The following CEP192 variants were observed in gnomAD, a reference collection of about 807,000 sequenced individuals.
CEP192 encodes centrosomal protein of 192 kDa.
Under a neutral mutation model 271.8 loss-of-function variants are expected in CEP192, and 151 were observed. The observed-to-expected ratio is 0.56, with a 90% CI of 0.49 to 0.64. The LOEUF is 0.64. Ranked by LOEUF, CEP192 falls within the 30% of genes least tolerant of loss-of-function variation. The pLI is 0.00. For synonymous variants in CEP192, 995 were observed against 1,076.5 expected, an observed-to-expected ratio of 0.92 and a Z score of 1.48; for missense variants, 2,910 against 3,020.5, an observed-to-expected ratio of 0.96 and a Z score of 0.86.
chr18:12,994,361 C>A (rs982305636), intron 1 of CEP192, among the ~76,000 whole-genome samples: 2 of 151,460 alleles, frequency 1.3e-5, no homozygotes, highest in South Asian at 2.1e-4. Context: ...ATATTCTAGA[C>A]CTGTGGTAGG....
At chr18:12,997,721 T>G (rs2033342658) in intron 1 of CEP192, among the ~76,000 whole-genome samples, 3 of 152,158 alleles carry the variant, frequency 2.0e-5, no homozygotes, top group African/African-American at 7.2e-5. Context: ...CCAAAACAAG[T>G]AAGTTCTTCT....
chr18:13,078,075 T>C (rs551166993), intron 30 of CEP192, among the ~76,000 whole-genome samples: 21 of 152,314 alleles, frequency 1.4e-4, no homozygotes, highest in Admixed American at 1.0e-3. Flanking sequence ...CCTAATGCTA[T>C]TCCTCCCCTA....
At chr18:13,005,989 G>T (rs888880165) in intron 3 of CEP192, among the ~76,000 whole-genome samples, 2 of 152,076 alleles carry the variant, frequency 1.3e-5, no homozygotes, top group Non-Finnish European at 1.5e-5. Flanking sequence ...TTAGAATCCC[G>T]TCTGAGTCCC....
chr18:13,098,838 G>A (rs1226828156), intron 36 of CEP192, among the ~76,000 whole-genome samples: 2 of 152,324 alleles, frequency 1.3e-5, no homozygotes, highest in East Asian at 3.9e-4. Context: ...CGGCTGGGAG[G>A]TGGAGGTTGT....
intron 18 of CEP192, among the ~76,000 whole-genome samples, chr18:13,053,947 C>T (rs1203339664): frequency 1.3e-5 from 2 of 152,170 alleles, no homozygotes; most frequent in East Asian, 1.9e-4. Flanking sequence ...CTGCCTCGGC[C>T]TCTCAAGTAG....
chr18:13,123,908 C>G (rs958159787), intron 44 of CEP192, among the ~76,000 whole-genome samples: 5 of 152,112 alleles, frequency 3.3e-5, no homozygotes, highest in African/African-American at 9.7e-5. Context: ...GCCTGTAATC[C>G]TAGCACTTTG....
chr18:13,069,394 G>A (rs1470529489), intron 26 of CEP192, among the ~76,000 whole-genome samples: 2 of 152,200 alleles, frequency 1.3e-5, no homozygotes, highest in African/African-American at 4.8e-5. Context: ...TCTTGAATAT[G>A]AGAACCAAGT....
chr18:13,044,206 A>G (rs1020346307), intron 15 of CEP192, among the ~76,000 whole-genome samples: 17 of 152,122 alleles, frequency 1.1e-4, no homozygotes, highest in African/African-American at 3.6e-4. Flanking sequence ...CTAATTATCT[A>G]TCAACTCTTT....
intron 44 of CEP192, among the ~76,000 whole-genome samples, chr18:13,119,606 G>A (rs1041211587): frequency 3.3e-5 from 5 of 152,118 alleles, no homozygotes; most frequent in African/African-American, 1.2e-4. Context: ...GCCACGCATG[G>A]TGGCAGGCGC....
At chr18:13,089,591 T>A in intron 33 of CEP192, 26 bp downstream of exon 33, 1 of 1,131,146 alleles carries the variant, frequency 8.8e-7, no homozygotes, top group Non-Finnish European at 1.3e-6. Flanking sequence ...TGTCTTGATG[T>A]ATTAAATCTT....
intron 30 of CEP192, among the ~76,000 whole-genome samples, chr18:13,073,386 G>C (rs11665317): frequency 0.029 from 4,365 of 152,262 alleles, 82 homozygotes; most frequent in Non-Finnish European, 0.043. Context: ...ATTCCTATAA[G>C]TATTAGTCTT....
At chr18:13,059,019 G>A in intron 20 of CEP192, 63 bp from the exon 21 acceptor site, 3 of 1,005,332 alleles carry the variant, frequency 3.0e-6, no homozygotes, top group East Asian at 4.8e-5. Flanking sequence ...CTTAAACTAG[G>A]TGATTCTACT....
intron 39 of CEP192, chr18:13,104,024 G>T: frequency 5.6e-6 from 2 of 358,616 alleles, no homozygotes; most frequent in Non-Finnish European, 1.1e-5. Flanking sequence ...TCATTTAGTT[G>T]GTTTTCTCTT....
intron 21 of CEP192, among the ~76,000 whole-genome samples, chr18:13,062,249 G>A (rs1568358184): frequency 6.6e-6 from 1 of 152,208 alleles, no homozygotes; most frequent in East Asian, 1.9e-4. Context: ...AGTGGAACTA[G>A]AGGAATTAGG....
Position 13,049,680 on chromosome 18 carries a change from T to G in CEP192, c.2889T>G (p.Ser963Arg). The G allele has an allele frequency of 6.2e-7, 1 of 1,606,766 alleles. No homozygotes were observed. The highest frequency in any genetic ancestry group is 8.5e-7 in the Non-Finnish European group (1 of 1,176,084). ...ENHRIVSPKN[S>R]DLKNTSPEHG... ...ATCGCATAGTCTCACCTAAAAATAGTGGTAAGTGTCTGAGTCGTTGGTCAC... is the reference window on the plus strand; with the variant it reads ...ATCGCATAGTCTCACCTAAAAATAGGGGTAAGTGTCTGAGTCGTTGGTCAC... Residue 963 changes from serine to arginine, a missense_variant and splice_region_variant, in exon 16 of 45, where the codon AGT becomes AGG. Coordinates refer to ENST00000506447, the MANE Select transcript of CEP192 (RefSeq NM_032142.4).
rs761987293 is a variant in CEP192 at position 13,072,972 on chromosome 18, G to T, written c.5440-37G>T. 1.9e-6 allele frequency: 3 copies of T among 1,587,698 alleles called. No homozygotes were observed. The African/African-American group carries it at 4.1e-5, about 21-fold the overall frequency. On this transcript the variant is annotated intron_variant, in intron 29 of 44. Transcript: ENST00000506447. ...AATGGTATGTTTTATTTGTGCTACT[G>T]CTTTGTTTTATGCATTTAACTGTTT... is the stretch of plus-strand genomic sequence containing the variant.
chr18:13,069,625 G>A, intron 26 of CEP192, 113 bp from the exon 27 acceptor site: 1 of 688,048 alleles, frequency 1.5e-6, no homozygotes, highest in Non-Finnish European at 2.6e-6. Flanking sequence ...AGACAAGAAG[G>A]GGACAAACAA....
chr18:13,107,618 C>T (rs1309158005), intron 40 of CEP192, among the ~76,000 whole-genome samples: 3 of 152,172 alleles, frequency 2.0e-5, no homozygotes, highest in Non-Finnish European at 2.9e-5. Flanking sequence ...AAATTAATCT[C>T]TCCAGGATTT....
chr18:13,124,230 G>A (rs1195850122), intron 44 of CEP192, among the ~76,000 whole-genome samples: 2 of 152,110 alleles, frequency 1.3e-5, no homozygotes, highest in East Asian at 3.9e-4. Context: ...GTTGGGACAA[G>A]TTGTTTTAAT....
Sources: gnomAD v4.1 joint callset for allele counts (sites outside exome capture counted in the v4.1 genomes callset) on GRCh38, gnomAD v4.1.1 for gene constraint, MANE v1.5 for transcripts, NCBI Gene and HGNC (gene_info 2026-07-23, HGNC 2026-07-21) for gene names.